The following PCDHGA5 variants were observed in gnomAD, a reference collection of about 807,000 sequenced individuals.
PCDHGA5 encodes the protein protocadherin gamma subfamily A, 5.
Under a neutral mutation model 56.7 loss-of-function variants are expected in PCDHGA5, and 36 were observed. That is an observed-to-expected ratio of 0.64 (90% CI 0.49 to 0.84). The LOEUF is 0.84. Among genes scored for constraint, PCDHGA5 ranks in the 40% least tolerant of loss-of-function variants. PCDHGA5 has a pLI of 0.00. For synonymous variants in PCDHGA5, 563 were observed against 520.2 expected (o/e 1.08, Z -1.12); for missense variants, 1,305 against 1,201.5 (o/e 1.09, Z -1.27).
At position 141,366,602 on chromosome 5, in the gene PCDHGA5, TCCCTCACCGCGGA is replaced by T; in HGVS notation, c.2274_2286del (p.Leu759ArgfsTer6). On this transcript the variant is annotated frameshift_variant, in exon 1 of 4. Coordinates refer to ENST00000518069, the MANE Select transcript of PCDHGA5 (RefSeq NM_018918.3). LOFTEE classifies it high-confidence loss of function. ...CCTGCAGACCTATTCCCACGAGGTC[TCCCTCACCGCGGA>T]CTCGAGGAAGAGTCACCTGATCTTT... The T allele has an allele frequency of 6.2e-7, 1 of 1,614,226 alleles. No individual in the cohort carries two copies. Among genetic ancestry groups the T allele is most frequent in the Admixed American group, 1.7e-5 (1 of 60,022 alleles).
intron 1 of PCDHGA5, among the ~76,000 whole-genome samples, chr5:141,445,264 G>A (rs566395616): frequency 1.4e-4 from 22 of 152,276 alleles, no homozygotes; most frequent in Admixed American, 1.4e-3. Flanking sequence ...AATATAAGTC[G>A]AAACCACTCT....
At chr5:141,414,457 G>C in intron 1 of PCDHGA5, 2 of 1,613,872 alleles carry the variant, frequency 1.2e-6, no homozygotes, top group Non-Finnish European at 1.7e-6. Flanking sequence ...CACAGTGACA[G>C]CCACAGATGG....
At chr5:141,414,117 A>T (rs764001135) in intron 1 of PCDHGA5, 2 of 1,592,602 alleles carry the variant, frequency 1.3e-6, no homozygotes, top group Non-Finnish European at 1.7e-6. Flanking sequence ...TAGATTATGA[A>T]GAAACCGGTT....
intron 1 of PCDHGA5, chr5:141,412,149 C>G (rs1369304212): frequency 2.0e-5 from 3 of 152,146 alleles, no homozygotes; most frequent in African/African-American, 7.2e-5. Flanking sequence ...TACAAACTGC[C>G]TAAGAGAAGA....
chr5:141,442,818 C>A (rs553817796), intron 1 of PCDHGA5, among the ~76,000 whole-genome samples: 1 of 151,882 alleles, frequency 6.6e-6, no homozygotes, highest in Non-Finnish European at 1.5e-5. Context: ...TGTACTGATC[C>A]AAAAATAAGG....
At chr5:141,498,457 G>A (rs1028236637) in intron 2 of PCDHGA5, among the ~76,000 whole-genome samples, 8 of 152,126 alleles carry the variant, frequency 5.3e-5, no homozygotes, top group African/African-American at 1.9e-4. Flanking sequence ...CTTTTATCCA[G>A]TCTAACCCTG....
chr5:141,396,584 C>T (rs2093399172), intron 1 of PCDHGA5: 1 of 151,318 alleles, frequency 6.6e-6, no homozygotes, highest in Non-Finnish European at 1.5e-5. Flanking sequence ...CCTGTCACTG[C>T]ACTCCAGCCT....
intron 1 of PCDHGA5, chr5:141,423,222 G>A (rs760308436): frequency 1.2e-6 from 2 of 1,613,688 alleles, no homozygotes; most frequent in Non-Finnish European, 1.7e-6. Context: ...CCGTGGCTGT[G>A]GCCGACAGCA....
chr5:141,441,359 G>T (rs932747576), intron 1 of PCDHGA5: 1 of 152,522 alleles, frequency 6.6e-6, no homozygotes, highest in Non-Finnish European at 1.5e-5. Flanking sequence ...TGTAACAAAT[G>T]GGGCCGTGGA....
chr5:141,465,786 T>G (rs1236517595), intron 1 of PCDHGA5, among the ~76,000 whole-genome samples: 1 of 152,136 alleles, frequency 6.6e-6, no homozygotes, highest in Non-Finnish European at 1.5e-5. Flanking sequence ...ACAGTTTTTT[T>G]TTTTTTAAGA....
intron 1 of PCDHGA5, chr5:141,442,062 G>A (rs1001398926): frequency 7.0e-5 from 13 of 185,900 alleles, no homozygotes; most frequent in Admixed American, 1.3e-4. Context: ...GGTGCACTGC[G>A]GTGGACAGCC....
At chr5:141,383,580 C>A (rs935361844) in intron 1 of PCDHGA5, 1 of 1,613,642 alleles carries the variant, frequency 6.2e-7, no homozygotes, top group South Asian at 1.1e-5. Context: ...GCACCGCCCA[C>A]ATCCAGGTGA....
intron 1 of PCDHGA5, among the ~76,000 whole-genome samples, chr5:141,482,089 C>CAA (rs36035257): frequency 1.0e-3 from 137 of 134,516 alleles, no homozygotes; most frequent in African/African-American, 1.5e-3. Context: ...CACTCCATCT[C>CAA]AAAAAAAAAA....
At chr5:141,400,668 G>A in intron 1 of PCDHGA5, 3 of 970,702 alleles carry the variant, frequency 3.1e-6, no homozygotes, top group Non-Finnish European at 4.6e-6. Context: ...TCTTTAAGAG[G>A]AGCAGTAAAT....
intron 1 of PCDHGA5, chr5:141,399,668 G>A (rs756009874): frequency 1.7e-5 from 28 of 1,613,644 alleles, no homozygotes; most frequent in Non-Finnish European, 8.5e-7. Flanking sequence ...TTCGCGCAGC[G>A]CGCCTTTGAC....
At chr5:141,441,863 C>A in intron 1 of PCDHGA5, 2 of 342,418 alleles carry the variant, frequency 5.8e-6, no homozygotes, top group African/African-American at 2.2e-5. Flanking sequence ...CTGCACGCCG[C>A]GGAGCCTGGC....
intron 1 of PCDHGA5, among the ~76,000 whole-genome samples, chr5:141,445,961 G>C (rs944876169): frequency 6.6e-6 from 1 of 152,158 alleles, no homozygotes; most frequent in Non-Finnish European, 1.5e-5. Flanking sequence ...GCTATATGGA[G>C]AATTGATTTA....
Position 141,372,427 on chromosome 5 carries a change from G to A in PCDHGA5, c.2421+5676G>A. On this transcript the variant is annotated intron_variant, in intron 1 of 3. Coordinates refer to ENST00000518069, the MANE Select transcript of PCDHGA5 (RefSeq NM_018918.3). ...GAGATACAACCTGACCTTAGCGACC[G>A]CCCCACTCCCTCTGACCCTCAGGCG... 6.2e-7 allele frequency: 1 copy of A among 1,613,990 alleles called. No homozygotes were observed. The highest frequency in any genetic ancestry group is 8.5e-7 in the Non-Finnish European group (1 of 1,179,882).
chr5:141,488,540 A>C (rs901890616), intron 1 of PCDHGA5, among the ~76,000 whole-genome samples: 6 of 152,146 alleles, frequency 3.9e-5, no homozygotes, highest in Admixed American at 2.0e-4. Context: ...GCTAAGTCCC[A>C]TGTCAGCTGA....
Sources: gnomAD v4.1 joint callset for allele counts (sites outside exome capture counted in the v4.1 genomes callset) on GRCh38, gnomAD v4.1.1 for gene constraint, MANE v1.5 for transcripts, NCBI Gene and HGNC (gene_info 2026-07-23, HGNC 2026-07-21) for gene names.